The following SP3 variants were observed in gnomAD, a reference collection of about 807,000 sequenced individuals.
SP3 encodes transcription factor Sp3.
In SP3, 10 loss-of-function variants were observed where a neutral mutation model predicts 70.3. The ratio of observed to expected loss-of-function variants is 0.14; its 90% CI spans 0.09 to 0.24. SP3 has a LOEUF of 0.24. SP3 is among the 10% of genes least tolerant of loss of function. The pLI is 1.00. For missense variants in SP3, 825 were observed against 914.6 expected, an observed-to-expected ratio of 0.90 and a Z score of 1.26; for synonymous variants, 402 against 333.5, an observed-to-expected ratio of 1.21 and a Z score of -2.24.
rs1055165170 is a variant in SP3, at chr2:173,901,392, AAT to A, written c.*8547_*8548del. Among the ~76,000 whole-genome samples the A allele has an allele frequency of 5.3e-5, 8 of 152,172 alleles. No individual in the cohort carries two copies. The highest frequency in any genetic ancestry group is 2.1e-4 in the South Asian group (1 of 4,830). ...ATACTATCAGCCTATATATCTCTAA[AAT>A]ATATCTTATATATAAAATAATATGT... On this transcript the variant is annotated 3_prime_UTR_variant, in exon 7 of 7. Transcript: ENST00000310015.
chr2:173,965,282 G>A lies in SP3; in HGVS notation c.-111C>T. Reference sequence around the variant, plus strand: ...GGAAGCGGCGGCGGACACGGCCGGAGCGGTCCGGGGATTTTTTTTTCCTAT... The same window carrying A: ...GGAAGCGGCGGCGGACACGGCCGGAACGGTCCGGGGATTTTTTTTTCCTAT... On this transcript the variant is annotated 5_prime_UTR_variant, in exon 1 of 7. Transcript: ENST00000310015. 1.6e-6 allele frequency: 2 copies of A among 1,282,154 alleles called. No individual in the cohort carries two copies. Among genetic ancestry groups the A allele is most frequent in the East Asian group, 2.6e-5 (1 of 39,038 alleles). The allele number at this position is 1,282,154 out of a possible 1,614,324, so 79.4% of individuals were successfully genotyped here. A position where few individuals can be genotyped will look rare whatever the true frequency, so the allele number is the denominator to read the frequency against.
At chr2:173,937,734 A>AC (rs1448600781) in intron 4 of SP3, among the ~76,000 whole-genome samples, 1 of 152,162 alleles carries the variant, frequency 6.6e-6, no homozygotes, top group African/African-American at 2.4e-5. Flanking sequence ...TCCAATATAT[A>AC]CCAAAGTAGG....
At chr2:173,947,409 TTA>T (rs1277137695) in intron 4 of SP3, among the ~76,000 whole-genome samples, 1 of 152,166 alleles carries the variant, frequency 6.6e-6, no homozygotes, top group Non-Finnish European at 1.5e-5. Context: ...CGAAAAACTT[TTA>T]TGTTTCATCT....
At chr2:173,942,669 A>T (rs1439362182) in intron 4 of SP3, among the ~76,000 whole-genome samples, 1 of 152,140 alleles carries the variant, frequency 6.6e-6, no homozygotes, top group Non-Finnish European at 1.5e-5. Flanking sequence ...GTTTACTGGA[A>T]CCATCCACTT....
intron 4 of SP3, among the ~76,000 whole-genome samples, chr2:173,925,077 C>T (rs750017197): frequency 3.3e-5 from 5 of 152,034 alleles, no homozygotes; most frequent in Admixed American, 2.0e-4. Context: ...TAGTAGAGAC[C>T]GAGTTTCGCC....
chr2:173,941,005 T>C (rs1048252276), intron 4 of SP3, among the ~76,000 whole-genome samples: 1 of 151,974 alleles, frequency 6.6e-6, no homozygotes, highest in African/African-American at 2.4e-5. Context: ...CATCCCTCTC[T>C]CATCCTCTTT....
intron 4 of SP3, among the ~76,000 whole-genome samples, chr2:173,931,641 C>T (rs949478188): frequency 4.6e-5 from 7 of 152,118 alleles, no homozygotes; most frequent in Non-Finnish European, 7.4e-5. Context: ...CACGCCCAGC[C>T]GGAAAATCTG....
intron 4 of SP3, among the ~76,000 whole-genome samples, chr2:173,931,952 T>G (rs1264804845): frequency 6.6e-6 from 1 of 152,236 alleles, no homozygotes; most frequent in East Asian, 1.9e-4. Flanking sequence ...GAGACTGTTT[T>G]GCTTTCTTAT....
At chr2:173,933,705 T>C (rs906152273) in intron 4 of SP3, among the ~76,000 whole-genome samples, 1 of 138,768 alleles carries the variant, frequency 7.2e-6, no homozygotes, top group Admixed American at 7.4e-5. Context: ...AAAATCACAA[T>C]TTAAAACTTT....
In SP3 at chr2:173,909,917, A is replaced by C. The variant is rs570621079; in HGVS notation, c.*24T>G. 1 of 1,598,386 alleles carries C rather than the reference A, an allele frequency of 6.3e-7. No homozygotes were observed. Among genetic ancestry groups the C allele is most frequent in the South Asian group, 1.1e-5 (1 of 90,102 alleles). ...CTCACTACTGTATAAAAATAACCAC[A>C]ATGAATAAGTATTTGTGTAATATTT... On this transcript the variant is annotated 3_prime_UTR_variant, in exon 7 of 7. Coordinates refer to ENST00000310015, the MANE Select transcript of SP3 (RefSeq NM_003111.5).
At chr2:173,941,782 A>C (rs1337030951) in intron 4 of SP3, among the ~76,000 whole-genome samples, 1 of 152,168 alleles carries the variant, frequency 6.6e-6, no homozygotes, top group African/African-American at 2.4e-5. Flanking sequence ...GCTTTCCCTC[A>C]ATTTTGGATA....
At position 173,955,618 on chromosome 2, in the gene SP3, G is replaced by C; in HGVS notation, c.894C>G (p.Asn298Lys). The C allele has an allele frequency of 1.9e-6, 3 of 1,614,134 alleles. No individual in the cohort carries two copies. Among genetic ancestry groups the C allele is most frequent in the Non-Finnish European group, 2.5e-6 (3 of 1,180,024 alleles). ...AGINADGHLI[N>K]TGQAMDSSDN... ...CTGAACTATCCATAGCTTGTCCTGT[G>C]TTTATCAAATGTCCGTCGGCATTAA... The change falls in exon 4 of 7, where the codon AAC (asparagine) becomes AAG (lysine). Residue 298 changes from asparagine (N) to lysine (K), a missense_variant. Physicochemically the swap from Asn to Lys is moderately conservative, Grantham distance 94. Around this residue, in one of 4 missense-constraint regions of SP3, gnomAD observed 678 missense variants for 651.6 expected, o/e 1.04. Coordinates refer to ENST00000310015, the MANE Select transcript of SP3 (RefSeq NM_003111.5).
chr2:173,911,360 C>T (rs967910105), intron 6 of SP3, among the ~76,000 whole-genome samples: 2 of 152,124 alleles, frequency 1.3e-5, no homozygotes, highest in Non-Finnish European at 2.9e-5. Flanking sequence ...CATCCTCATT[C>T]ACCGCTACAA....
At chr2:173,927,579 A>G (rs928793355) in intron 4 of SP3, among the ~76,000 whole-genome samples, 9 of 152,090 alleles carry the variant, frequency 5.9e-5, no homozygotes, top group Non-Finnish European at 8.8e-5. Context: ...CACCCGACCT[A>G]TATCATTCTT....
chr2:173,949,920 G>A (rs1314282723), intron 4 of SP3, among the ~76,000 whole-genome samples: 1 of 152,204 alleles, frequency 6.6e-6, no homozygotes, highest in East Asian at 1.9e-4. Context: ...AAATTTGAGA[G>A]ACTGAATTAA....
chr2:173,938,872 A>G (rs1028148543), intron 4 of SP3, among the ~76,000 whole-genome samples: 3 of 152,192 alleles, frequency 2.0e-5, no homozygotes, highest in Admixed American at 6.5e-5. Context: ...GTCTAACCCA[A>G]TGATTCTTAA....
Position 173,910,007 on chromosome 2 carries a change from A to T in SP3, c.2280T>A (p.Asp760Glu). ...TVNTSATSNQ[D>E]ILTNTEIPLQ... ...AAGGTATTTCAGTGTTGGTAAGGAT[A>T]TCTTGATTGCTGGTGGCGGAAGTAT... is the stretch of plus-strand genomic sequence containing the variant. The change falls in exon 7 of 7, where the codon GAT (aspartate) becomes GAA (glutamate). Residue 760 changes from aspartate to glutamate, a missense_variant. Around this residue, in one of 4 missense-constraint regions of SP3, gnomAD observed 91 missense variants for 97.4 expected, o/e 0.93. Coordinates refer to ENST00000310015, the MANE Select transcript of SP3 (RefSeq NM_003111.5). The T allele has an allele frequency of 6.2e-7, 1 of 1,614,002 alleles. No homozygotes were observed. The highest frequency in any genetic ancestry group is 8.5e-7 in the Non-Finnish European group (1 of 1,179,880).
chr2:173,948,999 G>A (rs894368444), intron 4 of SP3, among the ~76,000 whole-genome samples: 1 of 152,086 alleles, frequency 6.6e-6, no homozygotes, highest in Admixed American at 6.5e-5. Context: ...AAAGTCTACA[G>A]AAAGCAACAG....
chr2:173,926,386 T>C (rs1054218189), intron 4 of SP3, among the ~76,000 whole-genome samples: 1 of 152,184 alleles, frequency 6.6e-6, no homozygotes, highest in Non-Finnish European at 1.5e-5. Context: ...AATAGATATA[T>C]ATATTTTCTT....
Sources: allele counts gnomAD v4.1 joint callset (sites outside exome capture counted in the v4.1 genomes callset), GRCh38; gene constraint gnomAD v4.1.1; regional missense constraint gnomAD v4.1.1; transcripts MANE v1.5; gene names NCBI Gene and HGNC (gene_info 2026-07-23, HGNC 2026-07-21).